The following SEMA5A variants were observed in gnomAD, a reference collection of about 807,000 sequenced individuals.
The protein encoded by SEMA5A is semaphorin-5A.
A neutral mutation model predicts 135.5 loss-of-function variants in SEMA5A; 55 were observed. That is an observed-to-expected ratio of 0.41 (90% CI 0.33 to 0.51). The LOEUF is 0.51. Ranked by LOEUF, SEMA5A falls within the 20% of genes least tolerant of loss-of-function variation. SEMA5A has a pLI of 0.37. For missense variants in SEMA5A, 1,290 were observed against 1,419.9 expected (o/e 0.91, Z 1.47); for synonymous variants, 580 against 546.5 (o/e 1.06, Z -0.85).
At chr5:9,489,972 T>C (rs1734921625) in intron 1 of SEMA5A, among the ~76,000 whole-genome samples, 1 of 152,200 alleles carries the variant, frequency 6.6e-6, no homozygotes, top group Non-Finnish European at 1.5e-5. Context: ...GCAGAAGACA[T>C]GGAAGTTGGC....
At chr5:9,518,630 G>A (rs1379096182) in intron 1 of SEMA5A, among the ~76,000 whole-genome samples, 3 of 152,152 alleles carry the variant, frequency 2.0e-5, no homozygotes, top group Non-Finnish European at 2.9e-5. Context: ...ACTGCCATAA[G>A]CAACTTCTCT....
chr5:9,192,299 A>G (rs1437449293), intron 10 of SEMA5A, among the ~76,000 whole-genome samples: 2 of 152,256 alleles, frequency 1.3e-5, no homozygotes, highest in Non-Finnish European at 2.9e-5. Context: ...CTAGGAAAAT[A>G]GTTACCCTGC....
At chr5:9,075,003 G>T (rs113023622) in intron 16 of SEMA5A, among the ~76,000 whole-genome samples, 334 of 152,232 alleles carry the variant, frequency 2.2e-3, no homozygotes, top group Admixed American at 5.8e-3. Flanking sequence ...CTGAAGACAG[G>T]TTGATGATTT....
At position 9,221,673 on chromosome 5, in the gene SEMA5A, G is replaced by A. The variant is rs1747006462; in HGVS notation, c.646+3001C>T. On this transcript the variant is annotated intron_variant, in intron 8 of 22. Transcript: ENST00000382496. The stretch of plus-strand genomic sequence containing the variant: ...AATTTGAGGTTATGGTGAAAAGAAA[G>A]ATAATGGATAAGGCAGAAATATTGT... Among the ~76,000 whole-genome samples the A allele has an allele frequency of 3.3e-5, 5 of 152,128 alleles. No homozygotes were observed. In the South Asian group the frequency reaches 1.0e-3, roughly 32 times the overall value.
chr5:9,351,904 C>T (rs951678341), intron 3 of SEMA5A, among the ~76,000 whole-genome samples: 8 of 152,180 alleles, frequency 5.3e-5, no homozygotes, highest in African/African-American at 1.7e-4. Flanking sequence ...AGGCACTCTA[C>T]CTTTAGCCTT....
In SEMA5A at chr5:9,086,972, G is replaced by C. The variant is rs139967595; in HGVS notation, c.2074-20326C>G. Among the ~76,000 whole-genome samples, 13 of 152,234 alleles carry C rather than the reference G, an allele frequency of 8.5e-5. No homozygotes were observed. The Middle Eastern group carries it at 0.014, about 159-fold the overall frequency. ...GTTTTTTTAACTTAAGTTTTAGACT[G>C]TCAGGCAGCAACTCTGCTGCTTTCT... On this transcript the variant is annotated intron_variant, in intron 16 of 22. Transcript: ENST00000382496.
intron 5 of SEMA5A, among the ~76,000 whole-genome samples, chr5:9,305,707 C>CATATATATATATAT (rs1561128483): frequency 4.7e-5 from 2 of 42,852 alleles, no homozygotes; most frequent in African/African-American, 1.0e-4. Context: ...TGTGTGTGTG[C>CATATATATATATAT]GTATATATAT....
chr5:9,198,478 T>C (rs1428888206), intron 9 of SEMA5A, among the ~76,000 whole-genome samples: 2 of 152,148 alleles, frequency 1.3e-5, no homozygotes, highest in African/African-American at 2.4e-5. Flanking sequence ...GGATTTCCAA[T>C]CCTTTGCAAT....
intron 3 of SEMA5A, among the ~76,000 whole-genome samples, chr5:9,355,884 G>C (rs764220376): frequency 3.3e-5 from 5 of 152,090 alleles, no homozygotes; most frequent in Non-Finnish European, 5.9e-5. Flanking sequence ...GCATTAGGAG[G>C]GTCATCTTAT....
intron 11 of SEMA5A, among the ~76,000 whole-genome samples, chr5:9,179,660 A>G (rs1744394942): frequency 6.6e-6 from 1 of 152,208 alleles, no homozygotes. Flanking sequence ...TTTTTATAGC[A>G]TTTTAAGTGG....
chr5:9,198,387 G>A (rs1042366549), intron 9 of SEMA5A, among the ~76,000 whole-genome samples: 1 of 152,184 alleles, frequency 6.6e-6, no homozygotes, highest in Admixed American at 6.5e-5. Context: ...ATGTCAGCCA[G>A]CTACTAAATG....
At chr5:9,379,404 A>G (rs1375693597) in intron 3 of SEMA5A, among the ~76,000 whole-genome samples, 1 of 152,216 alleles carries the variant, frequency 6.6e-6, no homozygotes, top group African/African-American at 2.4e-5. Context: ...CTGCCATGCA[A>G]TGCTAGATAG....
At chr5:9,503,597 T>C (rs1735703961) in intron 1 of SEMA5A, among the ~76,000 whole-genome samples, 1 of 152,228 alleles carries the variant, frequency 6.6e-6, no homozygotes, top group Non-Finnish European at 1.5e-5. Flanking sequence ...GTGTATTTTA[T>C]GTAGCATCCT....
chr5:9,278,205 C>T (rs1750363976), intron 5 of SEMA5A, among the ~76,000 whole-genome samples: 1 of 151,768 alleles, frequency 6.6e-6, no homozygotes, highest in African/African-American at 2.4e-5. Context: ...CCTTGCTATG[C>T]TTAAGCAAAG....
At position 9,427,581 on chromosome 5, in the gene SEMA5A, C is replaced by T. The variant is rs570332036; in HGVS notation, c.-78+10175G>A. Among the ~76,000 whole-genome samples the T allele has an allele frequency of 1.5e-4, 23 of 152,202 alleles. No homozygotes were observed. The South Asian group carries it at 4.2e-3, about 27-fold the overall frequency. On this transcript the variant is annotated intron_variant, in intron 2 of 22. Coordinates refer to ENST00000382496, the MANE Select transcript of SEMA5A (RefSeq NM_003966.3). ...CTTCTTGGTTGGTGCATCCCTGTGC[C>T]GGGCTGATGAATACATCACAACTGC...
rs1753456740 is a variant in SEMA5A, at chr5:9,337,748, A to C, written c.189T>G (p.Phe63Leu). The C allele has an allele frequency of 3.1e-6, 5 of 1,611,992 alleles. No individual in the cohort carries two copies. The highest frequency in any genetic ancestry group is 3.4e-6 in the Non-Finnish European group (4 of 1,178,590). The stretch of plus-strand genomic sequence containing the variant: ...CAACAAGTTCTTTCTGTCCTGGGTC[A>C]AATGTTAACTGCGAGAAATCCACAG... ...KNAVDFSQLTFDPGQKELVVG... is the reference protein window; with the variant it reads ...KNAVDFSQLTLDPGQKELVVG... Residue 63 changes from phenylalanine (F) to leucine (L), a missense_variant, in exon 4 of 23, where the codon TTT becomes TTG. Coordinates refer to ENST00000382496, the MANE Select transcript of SEMA5A (RefSeq NM_003966.3).
chr5:9,464,375 T>C (rs1456763298), intron 1 of SEMA5A, among the ~76,000 whole-genome samples: 1 of 152,200 alleles, frequency 6.6e-6, no homozygotes, highest in East Asian at 1.9e-4. Flanking sequence ...CATACACACG[T>C]TTCCATCGGC....
intron 12 of SEMA5A, among the ~76,000 whole-genome samples, chr5:9,143,857 T>G (rs535024214): frequency 6.6e-6 from 1 of 152,246 alleles, no homozygotes; most frequent in African/African-American, 2.4e-5. Flanking sequence ...AGAACAAATA[T>G]AAAGTCTTTC....
chr5:9,294,213 G>C (rs77902395), intron 5 of SEMA5A, among the ~76,000 whole-genome samples: 18,559 of 152,020 alleles, frequency 0.12, 1,195 homozygotes, highest in South Asian at 0.18. Context: ...CTCTCAGCTC[G>C]GCTGCAGCCA....
Sources: gnomAD v4.1 joint callset for allele counts (sites outside exome capture counted in the v4.1 genomes callset) on GRCh38, gnomAD v4.1.1 for gene constraint, MANE v1.5 for transcripts, NCBI Gene and HGNC (gene_info 2026-07-23, HGNC 2026-07-21) for gene names.